The following DLG2 variants were observed in gnomAD, a reference collection of about 807,000 sequenced individuals.
The protein encoded by DLG2 is discs large MAGUK scaffold protein 2, also known as disks large homolog 2.
Under a neutral mutation model 132.5 loss-of-function variants are expected in DLG2, and 45 were observed. The ratio of observed to expected loss-of-function variants is 0.34; its 90% confidence interval spans 0.27 to 0.44. The LOEUF (loss-of-function observed/expected upper bound fraction) is 0.44. Ranked by LOEUF, DLG2 falls within the 20% of genes least tolerant of loss-of-function variation. The pLI, the probability that DLG2 is intolerant of heterozygous loss-of-function variation, is 1.00. For missense variants in DLG2, 1,045 were observed against 1,196.9 expected (o/e 0.87, Z 1.87); for synonymous variants, 424 against 419.6 (o/e 1.01, Z -0.13).
intron 17 of DLG2, among the ~76,000 whole-genome samples, chr11:83,800,427 A>T (rs2044041045): frequency 6.6e-6 from 1 of 152,226 alleles, no homozygotes; most frequent in South Asian, 2.1e-4. Flanking sequence ...AGAGTGAGTG[A>T]ACTATAAATT....
At chr11:84,961,221 T>C (rs2052522647) in intron 6 of DLG2, among the ~76,000 whole-genome samples, 2 of 151,782 alleles carry the variant, frequency 1.3e-5, no homozygotes, top group South Asian at 4.2e-4. Context: ...GCATGGGTCT[T>C]TGAACTGAAT....
At chr11:85,060,090 C>T (rs1027452681) in intron 6 of DLG2, among the ~76,000 whole-genome samples, 1 of 151,376 alleles carries the variant, frequency 6.6e-6, no homozygotes, top group Non-Finnish European at 1.5e-5. Context: ...TAAAGAAAAA[C>T]TCACCATTTC....
At chr11:84,747,237 T>C (rs1565858286) in intron 6 of DLG2, among the ~76,000 whole-genome samples, 1 of 135,628 alleles carries the variant, frequency 7.4e-6, no homozygotes, top group African/African-American at 2.5e-5. Context: ...CAATTCCCTT[T>C]TTTAATTTTT....
chr11:83,679,166 T>C (rs145092524), intron 18 of DLG2, among the ~76,000 whole-genome samples: 22 of 152,310 alleles, frequency 1.4e-4, no homozygotes, highest in African/African-American at 4.8e-4. Flanking sequence ...ATTAGTAGTA[T>C]ATTTAAACAA....
At chr11:84,198,519 T>C (rs1164553138) in intron 8 of DLG2, among the ~76,000 whole-genome samples, 1 of 152,200 alleles carries the variant, frequency 6.6e-6, no homozygotes, top group Non-Finnish European at 1.5e-5. Context: ...AAATAAATAC[T>C]ATTACAATGT....
At chr11:83,508,332 G>C (rs1270928295) in intron 21 of DLG2, among the ~76,000 whole-genome samples, 1 of 149,616 alleles carries the variant, frequency 6.7e-6, no homozygotes, top group Non-Finnish European at 1.5e-5. Context: ...TGCCTCCCGG[G>C]TTCACGCCAT....
intron 6 of DLG2, among the ~76,000 whole-genome samples, chr11:84,989,853 GT>G (rs1451750934): frequency 6.6e-6 from 1 of 152,024 alleles, no homozygotes; most frequent in Admixed American, 6.6e-5. Context: ...TTTGACAAAG[GT>G]AAAAAACGAT....
chr11:84,490,066 G>A (rs936158392), intron 7 of DLG2, among the ~76,000 whole-genome samples: 8 of 152,066 alleles, frequency 5.3e-5, no homozygotes, highest in Non-Finnish European at 8.8e-5. Context: ...AACAAATATC[G>A]AGAAATCAGG....
At chr11:84,755,267 A>AT (rs2066706570) in intron 6 of DLG2, among the ~76,000 whole-genome samples, 1 of 152,186 alleles carries the variant, frequency 6.6e-6, no homozygotes, top group African/African-American at 2.4e-5. Context: ...GTACCAATAA[A>AT]TTTTTGTAGA....
At chr11:85,547,788 T>C (rs907726007) in intron 3 of DLG2, among the ~76,000 whole-genome samples, 1 of 152,076 alleles carries the variant, frequency 6.6e-6, no homozygotes, top group Admixed American at 6.6e-5. Flanking sequence ...GCTATTGATA[T>C]TTGCGTATGC....
At chr11:85,471,007 CT>C (rs1006171889) in intron 3 of DLG2, among the ~76,000 whole-genome samples, 3 of 152,210 alleles carry the variant, frequency 2.0e-5, no homozygotes, top group Non-Finnish European at 1.5e-5. Flanking sequence ...AGGACTCCTT[CT>C]TTTCTCTTCC....
chr11:84,080,231 G>A (rs559932398), intron 10 of DLG2, among the ~76,000 whole-genome samples: 1 of 152,248 alleles, frequency 6.6e-6, no homozygotes, highest in Admixed American at 6.5e-5. Context: ...AATATTCTGT[G>A]TCAGTTTAAT....
At chr11:85,347,757 T>G (rs2082950794) in intron 3 of DLG2, among the ~76,000 whole-genome samples, 1 of 151,396 alleles carries the variant, frequency 6.6e-6, no homozygotes, top group Non-Finnish European at 1.5e-5. Flanking sequence ...AACTATTGAC[T>G]TTTTCCCCCT....
At chr11:84,585,562 C>G (rs527832744) in intron 6 of DLG2, among the ~76,000 whole-genome samples, 3 of 152,158 alleles carry the variant, frequency 2.0e-5, no homozygotes, top group Non-Finnish European at 4.4e-5. Flanking sequence ...AAGATTTTTG[C>G]AGGAATTGCA....
At chr11:84,270,863 G>T (rs1304418905) in intron 7 of DLG2, among the ~76,000 whole-genome samples, 1 of 152,102 alleles carries the variant, frequency 6.6e-6, no homozygotes, top group Non-Finnish European at 1.5e-5. Context: ...TTTAAAGGAG[G>T]CAATTATTTG....
chr11:83,623,239 GT>G (rs2061924854), intron 19 of DLG2, among the ~76,000 whole-genome samples: 1 of 151,950 alleles, frequency 6.6e-6, no homozygotes, highest in African/African-American at 2.4e-5. Context: ...AGTGACTCTG[GT>G]TAAATAATTT....
intron 8 of DLG2, among the ~76,000 whole-genome samples, chr11:84,184,680 C>T (rs1179410182): frequency 1.3e-5 from 2 of 152,228 alleles, no homozygotes; most frequent in African/African-American, 4.8e-5. Context: ...CCTAGGTTTT[C>T]TTCTAGGGTT....
intron 6 of DLG2, among the ~76,000 whole-genome samples, chr11:84,782,094 T>A (rs1042387848): frequency 2.0e-5 from 3 of 152,040 alleles, no homozygotes; most frequent in African/African-American, 7.2e-5. Flanking sequence ...CAAGAAACAC[T>A]TCCATGGATA....
intron 6 of DLG2, among the ~76,000 whole-genome samples, chr11:84,773,923 G>A (rs1469246097): frequency 6.6e-6 from 1 of 152,092 alleles, no homozygotes; most frequent in East Asian, 1.9e-4. Flanking sequence ...AGATAATATT[G>A]TAAGTTGTAG....
Sources: allele counts gnomAD v4.1 joint callset (sites outside exome capture counted in the v4.1 genomes callset), GRCh38; gene constraint gnomAD v4.1.1; transcripts MANE v1.5; gene names NCBI Gene and HGNC (gene_info 2026-07-23, HGNC 2026-07-21).